FFAR4: variants seen among roughly 807,000 people sequenced by gnomAD.
The protein encoded by FFAR4 is free fatty acid receptor 4, also known as G-protein coupled receptor 120.
FFAR4 carries 19 observed loss-of-function variants against 27.0 expected under a neutral mutation model. The observed-to-expected ratio is 0.70, with a 90% CI of 0.49 to 1.03. FFAR4 has a LOEUF of 1.03. Ranked by LOEUF, FFAR4 falls within the 50% of genes least tolerant of loss-of-function variation. FFAR4 has a pLI of 0.00. For synonymous variants in FFAR4, 254 were observed against 215.6 expected (o/e 1.18, Z -1.56); for missense variants, 476 against 479.0 (o/e 0.99, Z 0.06).
intron 1 of FFAR4, among the ~76,000 whole-genome samples, chr10:93,574,571 C>T (rs2058151621): frequency 6.6e-6 from 1 of 152,090 alleles, no homozygotes; most frequent in East Asian, 1.9e-4. Context: ...GCCTCACTGC[C>T]AGTAATCAGA....
intron 2 of FFAR4, among the ~76,000 whole-genome samples, chr10:93,577,328 C>T (rs1317518354): frequency 6.6e-6 from 1 of 152,214 alleles, no homozygotes; most frequent in Non-Finnish European, 1.5e-5. Context: ...CCTGTAGGGC[C>T]TGCTCACTCT....
intron 1 of FFAR4, among the ~76,000 whole-genome samples, chr10:93,568,573 G>C (rs892228333): frequency 1.1e-4 from 16 of 152,120 alleles, no homozygotes; most frequent in African/African-American, 3.1e-4. Flanking sequence ...GGGAAGGCTT[G>C]GTTATGGAGA....
At position 93,588,432 on chromosome 10, in the gene FFAR4, C is replaced by A. The variant is rs1274686737; in HGVS notation, c.*823C>A. 6.6e-5 allele frequency: 10 copies of A among 151,474 alleles called. No individual in the cohort carries two copies. The highest frequency in any genetic ancestry group is 6.6e-4 in the Admixed American group (10 of 15,204). The allele number at this position is 151,474 out of a possible 1,614,324, so 9.4% of individuals were successfully genotyped here. A position where few individuals can be genotyped will look rare whatever the true frequency, so the allele number is the denominator to read the frequency against. On this transcript the variant is annotated 3_prime_UTR_variant, in exon 3 of 3. Transcript: ENST00000371481. Reference sequence around the variant, plus strand: ...TTTCATTTATAAAAATGCTATGGACCCTTTTAAGAGAATCGGCATCATGAA... The same window carrying A: ...TTTCATTTATAAAAATGCTATGGACACTTTTAAGAGAATCGGCATCATGAA...
At position 93,567,164 on chromosome 10, in the gene FFAR4, G is replaced by T; in HGVS notation, c.444G>T (p.Arg148=). The change falls in exon 1 of 3, where the codon CGG becomes CGT. Residue 148 remains arginine, a synonymous_variant. Coordinates refer to ENST00000371481, the MANE Select transcript of FFAR4 (RefSeq NM_001195755.2). The part of the protein sequence containing the change: ...VCIVHLQRGV[R]GPGRRARAVL... ...TCGTGCACCTGCAGCGCGGCGTGCGGGGTCCTGGGCGGCGGGCGCGGGCAG... is the reference window on the plus strand; with the variant it reads ...TCGTGCACCTGCAGCGCGGCGTGCGTGGTCCTGGGCGGCGGGCGCGGGCAG... The T allele has an allele frequency of 6.2e-7, 1 of 1,604,784 alleles. No homozygotes were observed. The highest frequency in any genetic ancestry group is 8.5e-7 in the Non-Finnish European group (1 of 1,178,638).
At chr10:93,579,455 C>T (rs1263695402) in intron 2 of FFAR4, among the ~76,000 whole-genome samples, 1 of 152,148 alleles carries the variant, frequency 6.6e-6, no homozygotes. Flanking sequence ...GCATGGGTCA[C>T]TTCCCCACTT....
At chr10:93,571,071 A>G (rs1217441973) in intron 1 of FFAR4, among the ~76,000 whole-genome samples, 1 of 152,224 alleles carries the variant, frequency 6.6e-6, no homozygotes, top group African/African-American at 2.4e-5. Flanking sequence ...CATTTTAAAC[A>G]TTCTTCAAAC....
At chr10:93,569,440 C>T (rs887366383) in intron 1 of FFAR4, among the ~76,000 whole-genome samples, 1 of 152,172 alleles carries the variant, frequency 6.6e-6, no homozygotes, top group Non-Finnish European at 1.5e-5. Context: ...CAGGGGCCTT[C>T]CATGTCTTGG....
Position 93,589,075 on chromosome 10 carries a change from T to G in FFAR4, c.*1466T>G, listed in dbSNP as rs1251080332. On this transcript the variant is annotated 3_prime_UTR_variant, in exon 3 of 3. Transcript: ENST00000371481. ...TGTTAGTGCAAGGAGGCTGACACGC[T>G]TGAAGGGAGAGTGGCGTAAGCCGAC... is the stretch of plus-strand genomic sequence containing the variant. The G allele has an allele frequency of 1.3e-5, 2 of 152,222 alleles. No individual in the cohort carries two copies. The highest frequency in any genetic ancestry group is 2.9e-5 in the Non-Finnish European group (2 of 68,070). 9.4% of individuals were successfully genotyped at this position (152,222 alleles called of 1,614,324 possible).
At position 93,566,737 on chromosome 10, in the gene FFAR4, C is replaced by G. The variant is rs371427119; in HGVS notation, c.17C>G (p.Ala6Gly). Reference protein sequence around the residue: MSPECARAAGDAPLRS... With the variant: MSPECGRAAGDAPLRS... ...GCGCCGGGAATGTCCCCTGAATGCG[C>G]GCGGGCAGCGGGCGACGCGCCCTTG... is the stretch of plus-strand genomic sequence containing the variant. The change falls in exon 1 of 3, where the codon GCG becomes GGG. Residue 6 changes from alanine to glycine, a missense_variant. Transcript: ENST00000371481. 89 of 1,597,506 alleles carry G rather than the reference C, an allele frequency of 5.6e-5. No homozygotes were observed. Among genetic ancestry groups the G allele is most frequent in the Non-Finnish European group, 7.3e-5 (86 of 1,175,368 alleles).
chr10:93,566,918 G>A lies in FFAR4; in HGVS notation c.198G>A (p.Ala66=), dbSNP rs761540650. 8 of 1,609,058 alleles carry A rather than the reference G, an allele frequency of 5.0e-6. No individual in the cohort carries two copies. In the Admixed American group the frequency reaches 1.0e-4, roughly 20 times the overall value. ...LGNVCALVLV[A]RRRRRGATAC... is the part of the protein sequence containing the mutation. ...ACGTGTGCGCCCTGGTGCTGGTGGC[G>A]CGCCGACGACGCCGCGGCGCGACTG... The change falls in exon 1 of 3, where the codon GCG becomes GCA. Residue 66 remains alanine, a synonymous_variant. Coordinates refer to ENST00000371481, the MANE Select transcript of FFAR4 (RefSeq NM_001195755.2).
rs762767818 is a variant in FFAR4, at chr10:93,566,999, T to C, written c.279T>C (p.Pro93=). The C allele has an allele frequency of 1.9e-6, 3 of 1,611,674 alleles. No individual in the cohort carries two copies. In the East Asian group the frequency reaches 6.7e-5, roughly 36 times the overall value. Residue 93 remains proline (P), a synonymous_variant, in exon 1 of 3, where the codon CCT becomes CCC. Coordinates refer to ENST00000371481, the MANE Select transcript of FFAR4 (RefSeq NM_001195755.2). ...ACCTGCTCTTCATCAGCGCTATCCC[T>C]CTGGTGCTGGCCGTGCGCTGGACTG... ...CADLLFISAI[P]LVLAVRWTEA... is the part of the protein sequence containing the mutation.
chr10:93,571,460 C>G (rs911790390), intron 1 of FFAR4, among the ~76,000 whole-genome samples: 3 of 152,160 alleles, frequency 2.0e-5, no homozygotes, highest in Non-Finnish European at 4.4e-5. Flanking sequence ...AGAGGAAATC[C>G]CTAAGGTCAC....
chr10:93,586,117 G>A (rs574183330), intron 2 of FFAR4, among the ~76,000 whole-genome samples: 3 of 152,178 alleles, frequency 2.0e-5, no homozygotes, highest in Non-Finnish European at 4.4e-5. Flanking sequence ...ATCTTGAATT[G>A]TAGTTCCCAT....
Position 93,567,170 on chromosome 10 carries a change from T to C in FFAR4, c.450T>C (p.Pro150=), listed in dbSNP as rs536349006. The change falls in exon 1 of 3, where the codon CCT becomes CCC. Residue 150 remains proline (P), a synonymous_variant. Transcript: ENST00000371481. ...ACCTGCAGCGCGGCGTGCGGGGTCCTGGGCGGCGGGCGCGGGCAGTGCTGC... is the reference window on the plus strand; with the variant it reads ...ACCTGCAGCGCGGCGTGCGGGGTCCCGGGCGGCGGGCGCGGGCAGTGCTGC... ...IVHLQRGVRG[P]GRRARAVLLA... 8 of 1,604,454 alleles carry C rather than the reference T, an allele frequency of 5.0e-6. No individual in the cohort carries two copies. Among genetic ancestry groups the C allele is most frequent in the Non-Finnish European group, 6.8e-6 (8 of 1,178,836 alleles).
chr10:93,567,537 A>T (rs2058106224), intron 1 of FFAR4, among the ~76,000 whole-genome samples: 3 of 152,194 alleles, frequency 2.0e-5, no homozygotes, highest in Admixed American at 2.0e-4. Context: ...GACTGTTGCG[A>T]GGTTAATTAA....
At chr10:93,579,267 C>T (rs1467614137) in intron 2 of FFAR4, 3 of 1,393,774 alleles carry the variant, frequency 2.2e-6, no homozygotes, top group Non-Finnish European at 3.1e-6. Flanking sequence ...ATTCCATCAC[C>T]ACCCTCACCT....
chr10:93,566,827 G>T lies in FFAR4; in HGVS notation c.107G>T (p.Arg36Leu). The change falls in exon 1 of 3, where the codon CGG (arginine) becomes CTG (leucine). Residue 36 changes from arginine (R) to leucine (L), a missense_variant. Transcript: ENST00000371481. ...TTCTCCGACGTCAAGGGCGACCACC[G>T]GCTGGTGCTGGCCGCGGTGGAGACA... is the stretch of plus-strand genomic sequence containing the variant. ...PFFSDVKGDH[R>L]LVLAAVETTV... 1.2e-6 allele frequency: 2 copies of T among 1,602,272 alleles called. No homozygotes were observed. The highest frequency in any genetic ancestry group is 1.3e-5 in the African/African-American group (1 of 74,758).
intron 1 of FFAR4, among the ~76,000 whole-genome samples, chr10:93,573,488 C>T (rs1341252267): frequency 2.0e-5 from 3 of 152,162 alleles, no homozygotes; most frequent in East Asian, 1.9e-4. Context: ...AGAATCAAAA[C>T]GACTTAAGCC....
Position 93,587,684 on chromosome 10 carries a change from C to A in FFAR4, c.*75C>A. 1.4e-6 allele frequency: 2 copies of A among 1,396,024 alleles called. No individual in the cohort carries two copies. The highest frequency in any genetic ancestry group is 2.0e-6 in the Non-Finnish European group (2 of 1,018,374). The allele number at this position is 1,396,024 out of a possible 1,614,324, so 86.5% of individuals were successfully genotyped here. A position where few individuals can be genotyped will look rare whatever the true frequency, so the allele number is the denominator to read the frequency against. On this transcript the variant is annotated 3_prime_UTR_variant, in exon 3 of 3. Coordinates refer to ENST00000371481, the MANE Select transcript of FFAR4 (RefSeq NM_001195755.2). Reference sequence around the variant, plus strand: ...TTAAACAGAGTTCATTTCCAGTACCCTCCATCAGTGCACCCTGCTTTAAGA... The same window carrying A: ...TTAAACAGAGTTCATTTCCAGTACCATCCATCAGTGCACCCTGCTTTAAGA...
Sources: gnomAD v4.1 joint callset for allele counts (sites outside exome capture counted in the v4.1 genomes callset) on GRCh38, gnomAD v4.1.1 for gene constraint, MANE v1.5 for transcripts, NCBI Gene and HGNC (gene_info 2026-07-23, HGNC 2026-07-21) for gene names.